SLC2A5: variants seen among roughly 807,000 people sequenced by gnomAD.
SLC2A5 encodes the protein solute carrier family 2 member 5, also known as solute carrier family 2, facilitated glucose transporter member 5.
A neutral mutation model predicts 50.3 loss-of-function variants in SLC2A5; 56 were observed. That is an observed-to-expected ratio of 1.11 (90% CI 0.90 to 1.39). The LOEUF is 1.39. Among genes scored for constraint, SLC2A5 ranks in the 40% most tolerant of loss-of-function variants. The probability of loss-of-function intolerance (pLI) is 0.00; values close to 1 mark genes in which losing one functional copy is unlikely to be tolerated. For synonymous variants in SLC2A5, 269 were observed against 281.9 expected (o/e 0.95, Z 0.46); for missense variants, 566 against 650.1 (o/e 0.87, Z 1.41).
At chr1:9,039,035 C>T in intron 8 of SLC2A5, 106 bp from the exon 9 acceptor site, 2 of 1,288,250 alleles carry the variant, frequency 1.6e-6, no homozygotes, top group Non-Finnish European at 2.1e-6. Flanking sequence ...CGGGTGCCCA[C>T]CCATGTGCAC....
At chr1:9,053,315 G>A (rs59010523) in intron 3 of SLC2A5, among the ~76,000 whole-genome samples, 1,172 of 3,356 alleles carry the variant, frequency 0.35, 281 homozygotes, top group Non-Finnish European at 0.43. Flanking sequence ...TTTATATATT[G>A]TATTTATATA....
chr1:9,063,007 G>A (rs534690087), intron 1 of SLC2A5, among the ~76,000 whole-genome samples: 5 of 152,320 alleles, frequency 3.3e-5, no homozygotes, highest in Admixed American at 3.3e-4. Context: ...GGGGTTAAAA[G>A]TACCAGCTTT....
chr1:9,051,631 C>A (rs1641579852), intron 3 of SLC2A5, among the ~76,000 whole-genome samples: 1 of 152,176 alleles, frequency 6.6e-6, no homozygotes, highest in Non-Finnish European at 1.5e-5. Context: ...AGAACTCTGA[C>A]AACACCAAAT....
At chr1:9,084,413 C>T (rs1293843868) in intron 2 of SLC2A5, among the ~76,000 whole-genome samples, 1 of 152,224 alleles carries the variant, frequency 6.6e-6, no homozygotes, top group Admixed American at 6.5e-5. Context: ...AATCTCTGTA[C>T]TTTCACTATT....
In SLC2A5 at chr1:9,041,900, C is replaced by T. The variant is rs753399377; in HGVS notation, c.456G>A (p.Glu152=). 2 of 1,613,522 alleles carry T rather than the reference C, an allele frequency of 1.2e-6. No individual in the cohort carries two copies. Among genetic ancestry groups the T allele is most frequent in the Non-Finnish European group, 8.5e-7 (1 of 1,179,772 alleles). ...SSNVVPMYLG[E]LAPKNLRGAL... is the part of the protein sequence containing the mutation. ...CCCCCCGCAGGTTTTTAGGGGCCAGCTCCCCTAAGTACATGGGGACCACGT... is the reference window on the plus strand; with the variant it reads ...CCCCCCGCAGGTTTTTAGGGGCCAGTTCCCCTAAGTACATGGGGACCACGT... Residue 152 remains glutamate, a synonymous_variant, in exon 5 of 12, where the codon GAG becomes GAA. Transcript: ENST00000377424.
chr1:9,056,535 G>T (rs2124400244), intron 3 of SLC2A5, among the ~76,000 whole-genome samples: 1 of 152,126 alleles, frequency 6.6e-6, no homozygotes, highest in South Asian at 2.1e-4. Context: ...GGAGGAGTCA[G>T]AGTCTGGGTT....
At chr1:9,072,007 CG>C (rs1391541589), upstream of SLC2A5, 1 of 155,706 alleles carries the variant, frequency 6.4e-6, no homozygotes, top group Non-Finnish European at 1.4e-5. Flanking sequence ...AGCCTCAGCC[CG>C]GGTTCCCCTC....
intron 2 of SLC2A5, among the ~76,000 whole-genome samples, chr1:9,075,347 C>G (rs12752678): frequency 0.084 from 12,818 of 152,198 alleles, 721 homozygotes; most frequent in Middle Eastern, 0.19. Flanking sequence ...GCAGCCGTGG[C>G]GTAATCCAAC....
At chr1:9,055,960 G>A (rs1334428178) in intron 3 of SLC2A5, among the ~76,000 whole-genome samples, 3 of 152,074 alleles carry the variant, frequency 2.0e-5, no homozygotes, top group African/African-American at 4.8e-5. Flanking sequence ...TTAAGAAAAC[G>A]GCAAATAGCC....
At chr1:9,056,667 AT>A (rs1440350517) in intron 3 of SLC2A5, among the ~76,000 whole-genome samples, 2 of 152,130 alleles carry the variant, frequency 1.3e-5, no homozygotes, top group Non-Finnish European at 2.9e-5. Context: ...TGTCCATGGA[AT>A]TTATACGGGG....
At chr1:9,091,465 C>A (rs779658494), upstream of SLC2A5, among the ~76,000 whole-genome samples, 3 of 152,152 alleles carry the variant, frequency 2.0e-5, no homozygotes, top group Non-Finnish European at 4.4e-5. Flanking sequence ...CAAAAGCTCA[C>A]GTTCTATGAA....
At chr1:9,039,461 C>G (rs1476618870) in intron 8 of SLC2A5, 91 bp downstream of exon 8, 1 of 917,336 alleles carries the variant, frequency 1.1e-6, no homozygotes, top group Admixed American at 2.9e-5. Flanking sequence ...CGTTTTGGGG[C>G]CACGGGCTGC....
intron 1 of SLC2A5, among the ~76,000 whole-genome samples, chr1:9,060,520 A>T (rs1373394455): frequency 1.6e-5 from 2 of 128,032 alleles, no homozygotes; most frequent in Admixed American, 8.3e-5. Context: ...CATACACCAC[A>T]CACACATCAT....
At chr1:9,061,873 G>A (rs1641953738) in intron 1 of SLC2A5, among the ~76,000 whole-genome samples, 1 of 152,194 alleles carries the variant, frequency 6.6e-6, no homozygotes, top group Non-Finnish European at 1.5e-5. Context: ...CTCCCTGACC[G>A]CTTTGATGGG....
At chr1:9,075,522 G>A (rs962804053) in intron 2 of SLC2A5, among the ~76,000 whole-genome samples, 3 of 152,060 alleles carry the variant, frequency 2.0e-5, no homozygotes, top group African/African-American at 4.8e-5. Context: ...TTTTACTCCC[G>A]TGCCACTGGC....
intron 9 of SLC2A5, 108 bp from the exon 10 acceptor site, chr1:9,038,614 C>T: frequency 8.1e-7 from 1 of 1,238,834 alleles, no homozygotes; most frequent in Admixed American, 2.0e-5. Context: ...GGCTCCTCCC[C>T]CAGCAGTGCC....
intron 1 of SLC2A5, among the ~76,000 whole-genome samples, chr1:9,058,660 C>A (rs1260562530): frequency 6.6e-6 from 1 of 152,256 alleles, no homozygotes; most frequent in African/African-American, 2.4e-5. Context: ...GCTACTGCAG[C>A]TGTTTGAATT....
At chr1:9,053,114 T>TTATATATTTATATATTAATATATAA (rs1641629808) in intron 3 of SLC2A5, among the ~76,000 whole-genome samples, 5 of 103,812 alleles carry the variant, frequency 4.8e-5, no homozygotes, top group East Asian at 2.3e-4. Context: ...ATAATATATA[T>TTATATATTTATATATTAATATATAA]TATATATTTA....
Position 9,087,347 on chromosome 1 carries a change from G to A in SLC2A5, c.-188+1025C>T, listed in dbSNP as rs370372558. Among the ~76,000 whole-genome samples, 262 of 152,114 alleles carry A rather than the reference G, an allele frequency of 1.7e-3. No individual in the cohort carries two copies. The Middle Eastern group carries it at 0.031, about 18-fold the overall frequency. On this transcript the variant is annotated intron_variant, in intron 1 of 5. Transcript: ENST00000464985. ...AGCCTCCCAAGTAGCTGGGACTACAGGCACCCACCACCATGCCTGGCTAAT... is the reference window on the plus strand; with the variant it reads ...AGCCTCCCAAGTAGCTGGGACTACAAGCACCCACCACCATGCCTGGCTAAT...
Sources: allele counts gnomAD v4.1 joint callset (sites outside exome capture counted in the v4.1 genomes callset), GRCh38; gene constraint gnomAD v4.1.1; transcripts MANE v1.5; gene names NCBI Gene and HGNC (gene_info 2026-07-23, HGNC 2026-07-21).